ABCC4: variants seen among roughly 807,000 people sequenced by gnomAD.
ABCC4 encodes the protein ATP-binding cassette sub-family C member 4.
Under a neutral mutation model 168.5 loss-of-function variants are expected in ABCC4, and 102 were observed. The observed-to-expected ratio is 0.61, with a 90% CI of 0.52 to 0.71. The LOEUF is 0.71. Among genes scored for constraint, ABCC4 ranks in the 30% least tolerant of loss-of-function variants. ABCC4 has a pLI of 0.00. For missense variants in ABCC4, 1,402 were observed against 1,605.8 expected (o/e 0.87, Z 2.17); for synonymous variants, 617 against 590.7 (o/e 1.04, Z -0.65).
In ABCC4 at chr13:95,194,949, G is replaced by T. The variant is rs547984952; in HGVS notation, c.1162-12C>A. On this transcript the variant is annotated splice_polypyrimidine_tract_variant and intron_variant, in intron 8 of 30. Transcript: ENST00000645237. ...AGTAGCAAAAAGGTCTAAAGAAAATGGGAAAAACACAGATTGTTTAAATTA... is the reference window on the plus strand; with the variant it reads ...AGTAGCAAAAAGGTCTAAAGAAAATTGGAAAAACACAGATTGTTTAAATTA... The T allele has an allele frequency of 5.6e-6, 9 of 1,605,976 alleles. No homozygotes were observed. The East Asian group carries it at 1.8e-4, about 32-fold the overall frequency.
rs538300957 is a variant in ABCC4, at chr13:95,108,906, G to A, written c.2535+7016C>T. Among the ~76,000 whole-genome samples the A allele has an allele frequency of 1.7e-4, 26 of 152,132 alleles. No homozygotes were observed. In the South Asian group the frequency reaches 3.5e-3, roughly 21 times the overall value. ...ACCTGCCCCCATATCTTCTTTGCAC[G>A]GCTGTTTCCTTATTTTTCAAACTCA... On this transcript the variant is annotated intron_variant, in intron 20 of 30. Transcript: ENST00000645237.
chr13:95,068,371 A>G (rs1353767560), intron 25 of ABCC4, among the ~76,000 whole-genome samples: 2 of 152,210 alleles, frequency 1.3e-5, no homozygotes, highest in Non-Finnish European at 2.9e-5. Flanking sequence ...CATGCCTGTA[A>G]TCCCAGCACT....
At chr13:95,145,094 A>C (rs767624458) in intron 19 of ABCC4, among the ~76,000 whole-genome samples, 1 of 152,208 alleles carries the variant, frequency 6.6e-6, no homozygotes, top group African/African-American at 2.4e-5. Flanking sequence ...CCACAATGAG[A>C]TATCATCTCA....
chr13:95,097,666 A>C (rs1273436196), intron 20 of ABCC4, among the ~76,000 whole-genome samples: 1 of 148,106 alleles, frequency 6.8e-6, no homozygotes, highest in African/African-American at 2.5e-5. Flanking sequence ...TGGGCCATTA[A>C]AGAAGTCTCA....
chr13:95,221,895 C>CT (rs1228805121), intron 4 of ABCC4, among the ~76,000 whole-genome samples: 2 of 152,300 alleles, frequency 1.3e-5, no homozygotes, highest in East Asian at 3.9e-4. Context: ...AAGGAAGCCA[C>CT]GTCCAGCCTC....
intron 1 of ABCC4, among the ~76,000 whole-genome samples, chr13:95,268,417 CG>C (rs1566585186): frequency 6.6e-6 from 1 of 152,042 alleles, no homozygotes; most frequent in African/African-American, 2.4e-5. Flanking sequence ...AAGACCTGAC[CG>C]TACCCCTGCC....
chr13:95,289,610 G>A (rs1044375240), intron 1 of ABCC4, among the ~76,000 whole-genome samples: 1 of 152,196 alleles, frequency 6.6e-6, no homozygotes, highest in African/African-American at 2.4e-5. Context: ...CCACAGAGGG[G>A]AGTAAGTCCT....
At chr13:95,144,164 A>G (rs1290475535) in intron 19 of ABCC4, among the ~76,000 whole-genome samples, 4 of 152,108 alleles carry the variant, frequency 2.6e-5, no homozygotes, top group African/African-American at 9.7e-5. Flanking sequence ...TTTTAAACAT[A>G]TGATTAATAA....
At chr13:95,081,045 A>T (rs2034075697) in intron 21 of ABCC4, among the ~76,000 whole-genome samples, 1 of 152,212 alleles carries the variant, frequency 6.6e-6, no homozygotes, top group South Asian at 2.1e-4. Flanking sequence ...CCAACCAACC[A>T]GCCCCCGTGG....
chr13:95,139,699 T>C (rs1049518690), intron 19 of ABCC4, among the ~76,000 whole-genome samples: 1 of 152,228 alleles, frequency 6.6e-6, no homozygotes, highest in African/African-American at 2.4e-5. Context: ...GTTCCTTCTT[T>C]GCAGCTTCAA....
rs1280856591 is a variant in ABCC4 at position 95,177,756 on chromosome 13, C to T, written c.1678G>A (p.Asp560Asn). 11 of 1,611,566 alleles carry T rather than the reference C, an allele frequency of 6.8e-6. No homozygotes were observed. The African/African-American group carries it at 8.0e-5, about 12-fold the overall frequency. Residue 560 changes from aspartate to asparagine, a missense_variant, in exon 13 of 31, where the codon GAT becomes AAT. Physicochemically the swap from Asp to Asn is conservative, Grantham distance 23. Around this residue, in one of 3 missense-constraint regions of ABCC4, gnomAD observed 1,007 missense variants for 1,127.3 expected, o/e 0.89. Coordinates refer to ENST00000645237, the MANE Select transcript of ABCC4 (RefSeq NM_005845.5). ...TCCGCATCTACTGCACTGAGAGGAT[C>T]GTCCAGGAGATAGATGTCAGCATCT... The part of the protein sequence containing the change: ...YQDADIYLLD[D>N]PLSAVDAEVS...
intron 19 of ABCC4, among the ~76,000 whole-genome samples, chr13:95,120,033 CTT>C (rs2035509080): frequency 6.6e-6 from 1 of 151,412 alleles, no homozygotes; most frequent in Non-Finnish European, 1.5e-5. Flanking sequence ...TATGTGATCT[CTT>C]GTGTCTGGCT....
At position 95,178,104 on chromosome 13, in the gene ABCC4, A is replaced by C. The variant is rs754093649; in HGVS notation, c.1546-13T>G. ...ACAGCTGTAAATCCTGTATGGACAAAGGAAAGAAGGGGGGAAAAAGAGACT... is the reference window on the plus strand; with the variant it reads ...ACAGCTGTAAATCCTGTATGGACAACGGAAAGAAGGGGGGAAAAAGAGACT... On this transcript the variant is annotated splice_polypyrimidine_tract_variant and intron_variant, in intron 11 of 30. Coordinates refer to ENST00000645237, the MANE Select transcript of ABCC4 (RefSeq NM_005845.5). The C allele has an allele frequency of 6.2e-7, 1 of 1,608,492 alleles. No homozygotes were observed. The highest frequency in any genetic ancestry group is 2.2e-5 in the East Asian group (1 of 44,838).
chr13:95,058,037 G>T (rs1015218024), intron 26 of ABCC4, among the ~76,000 whole-genome samples: 11 of 152,198 alleles, frequency 7.2e-5, no homozygotes, highest in Admixed American at 2.0e-4. Context: ...ACAAGGTAAG[G>T]CTTGGAGGAT....
intron 1 of ABCC4, among the ~76,000 whole-genome samples, chr13:95,273,480 G>A (rs2040893730): frequency 6.6e-6 from 1 of 152,186 alleles, no homozygotes; most frequent in Admixed American, 6.5e-5. Context: ...TTCCCTGGAG[G>A]AGCAGATCAT....
At chr13:95,126,924 A>G (rs1285177876) in intron 19 of ABCC4, among the ~76,000 whole-genome samples, 2 of 148,972 alleles carry the variant, frequency 1.3e-5, no homozygotes, top group East Asian at 2.0e-4. Flanking sequence ...GCTAGGGGGG[A>G]AATTTAACCA....
intron 1 of ABCC4, among the ~76,000 whole-genome samples, chr13:95,257,396 C>T (rs540420812): frequency 5.4e-4 from 82 of 152,140 alleles, no homozygotes; most frequent in African/African-American, 1.9e-3. Context: ...GTAGGCCGGG[C>T]GCAGCACACG....
At chr13:95,160,089 T>C (rs1446516044) in intron 19 of ABCC4, among the ~76,000 whole-genome samples, 1 of 152,234 alleles carries the variant, frequency 6.6e-6, no homozygotes, top group Non-Finnish European at 1.5e-5. Flanking sequence ...ATTAAGTAAC[T>C]AGGACATGAA....
chr13:95,181,682 T>G (rs1023191631), intron 11 of ABCC4, among the ~76,000 whole-genome samples: 1 of 152,164 alleles, frequency 6.6e-6, no homozygotes, highest in African/African-American at 2.4e-5. Flanking sequence ...AAGTAAGTAG[T>G]GACCACACTT....
Sources: allele counts gnomAD v4.1 joint callset (sites outside exome capture counted in the v4.1 genomes callset), GRCh38; gene constraint gnomAD v4.1.1; regional missense constraint gnomAD v4.1.1; transcripts MANE v1.5; gene names NCBI Gene and HGNC (gene_info 2026-07-23, HGNC 2026-07-21).